ANKRD62: variants seen among roughly 807,000 people sequenced by gnomAD.
ANKRD62 encodes the protein ankyrin repeat domain 62.
A neutral mutation model predicts 98.8 loss-of-function variants in ANKRD62; 61 were observed. That is an observed-to-expected ratio of 0.62 (90% CI 0.50 to 0.76). The LOEUF (loss-of-function observed/expected upper bound fraction) is 0.76, where lower values mean the gene tolerates loss of function less well. ANKRD62 is among the 30% of genes least tolerant of loss of function. The pLI is 0.00. For missense variants in ANKRD62, 933 were observed against 1,082.9 expected (o/e 0.86, Z 1.94); for synonymous variants, 341 against 367.9 (o/e 0.93, Z 0.84).
At chr18:12,161,275 A>C in the ANKRD62 span, among the ~76,000 whole-genome samples, 1 of 152,146 alleles carries the variant, frequency 6.6e-6, no homozygotes, top group Non-Finnish European at 1.5e-5. Context: ...TTAATACCTT[A>C]CAAAATTTCT....
chr18:12,123,434 T>C (rs1401974203), intron 11 of ANKRD62, among the ~76,000 whole-genome samples: 2 of 152,228 alleles, frequency 1.3e-5, no homozygotes, highest in Non-Finnish European at 2.9e-5. Flanking sequence ...CTGTCTCTGC[T>C]ACAGAGTTTA....
chr18:12,095,013 C>T (rs1403212178), intron 1 of ANKRD62, among the ~76,000 whole-genome samples, 158 bp from the exon 2 acceptor site: 4 of 151,738 alleles, frequency 2.6e-5, no homozygotes, highest in Non-Finnish European at 5.9e-5. Context: ...TCAGCAGCAC[C>T]TGGGATGTGG....
the ANKRD62 span, among the ~76,000 whole-genome samples, chr18:12,164,661 A>G: frequency 6.6e-6 from 1 of 151,872 alleles, no homozygotes; most frequent in East Asian, 1.9e-4. Context: ...GCTGTATCCC[A>G]TAGGTTTTAA....
the ANKRD62 span, among the ~76,000 whole-genome samples, chr18:12,139,111 G>C: frequency 5.0e-4 from 76 of 152,112 alleles, no homozygotes; most frequent in Admixed American, 2.1e-3. Context: ...TATTTTGCTC[G>C]TTAGTTGATG....
the ANKRD62 span, among the ~76,000 whole-genome samples, chr18:12,164,653 T>A: frequency 1.3e-5 from 2 of 151,978 alleles, no homozygotes; most frequent in Non-Finnish European, 2.9e-5. Context: ...CTGCTTTTGC[T>A]GTATCCCATA....
At chr18:12,166,852 C>A in the ANKRD62 span, among the ~76,000 whole-genome samples, 1 of 151,874 alleles carries the variant, frequency 6.6e-6, no homozygotes, top group African/African-American at 2.4e-5. Flanking sequence ...TTAGGTATTT[C>A]TGCTAATGCT....
the ANKRD62 span, among the ~76,000 whole-genome samples, chr18:12,166,369 A>G: frequency 6.6e-6 from 1 of 152,074 alleles, no homozygotes; most frequent in Non-Finnish European, 1.5e-5. Context: ...ACATCCTATC[A>G]TGAAGCCCAC....
intron 8 of ANKRD62, among the ~76,000 whole-genome samples, chr18:12,111,535 G>C (rs938351337): frequency 6.6e-6 from 1 of 152,204 alleles, no homozygotes; most frequent in Admixed American, 6.5e-5. Context: ...TCTTTTCAAC[G>C]TAGTATTGTA....
At chr18:12,174,792 C>G in the ANKRD62 span, among the ~76,000 whole-genome samples, 1 of 152,218 alleles carries the variant, frequency 6.6e-6, no homozygotes, top group Non-Finnish European at 1.5e-5. Flanking sequence ...TCCTGAACTA[C>G]CTGTGCTAAC....
intron 1 of ANKRD62, among the ~76,000 whole-genome samples, chr18:12,094,946 G>A (rs1485327974): frequency 7.5e-6 from 1 of 133,060 alleles, no homozygotes; most frequent in East Asian, 2.6e-4. Flanking sequence ...CAAGGGTGGG[G>A]GTGGGGGTGG....
intron 7 of ANKRD62, 79 bp from the exon 8 acceptor site, chr18:12,107,216 T>G: frequency 2.1e-6 from 2 of 934,610 alleles, no homozygotes; most frequent in Non-Finnish European, 2.9e-6. Flanking sequence ...GTCAAGTGAT[T>G]AAATGAATGA....
intron 10 of ANKRD62, among the ~76,000 whole-genome samples, chr18:12,119,458 G>A (rs1048071658): frequency 6.6e-6 from 1 of 151,604 alleles, no homozygotes; most frequent in Non-Finnish European, 1.5e-5. Flanking sequence ...AGAGTCCAAG[G>A]TCAAGGTGCT....
rs1408221061 is a variant in ANKRD62 at position 12,095,205 on chromosome 18, C to G, written c.253C>G (p.Pro85Ala). 17 of 1,536,802 alleles carry G rather than the reference C, an allele frequency of 1.1e-5. No individual in the cohort carries two copies. The highest frequency in any genetic ancestry group is 1.4e-5 in the Non-Finnish European group (16 of 1,146,862). Residue 85 changes from proline to alanine, a missense_variant, in exon 2 of 14, where the codon CCA becomes GCA. Around this residue, in one of 3 missense-constraint regions of ANKRD62, gnomAD observed 549 missense variants for 587.9 expected, o/e 0.93. Coordinates refer to ENST00000587848, the MANE Select transcript of ANKRD62 (RefSeq NM_001277333.2). ...ALLLACAHGRPGVVADLVARK... is the reference protein window; with the variant it reads ...ALLLACAHGRAGVVADLVARK... Reference sequence around the variant, plus strand: ...ACTTTTGGCGTGTGCCCATGGCCGTCCAGGAGTGGTAGCTGACCTGGTGGC... The same window carrying G: ...ACTTTTGGCGTGTGCCCATGGCCGTGCAGGAGTGGTAGCTGACCTGGTGGC...
At chr18:12,095,076 G>C (rs1909151597) in intron 1 of ANKRD62, 95 bp from the exon 2 acceptor site, 1 of 895,608 alleles carries the variant, frequency 1.1e-6, no homozygotes, top group Admixed American at 2.1e-5. Context: ...AAGGCAGAGG[G>C]ATAACATACT....
the ANKRD62 span, among the ~76,000 whole-genome samples, chr18:12,161,255 T>C: frequency 6.6e-6 from 1 of 152,260 alleles, no homozygotes; most frequent in East Asian, 1.9e-4. Context: ...AGGATTACTT[T>C]TGCAAATTGT....
the ANKRD62 span, among the ~76,000 whole-genome samples, chr18:12,146,191 C>T: frequency 1.3e-5 from 2 of 152,054 alleles, no homozygotes; most frequent in Admixed American, 6.5e-5. Context: ...TGTCCTGGAT[C>T]CTGTTTCTCC....
At chr18:12,140,820 C>T in the ANKRD62 span, among the ~76,000 whole-genome samples, 4 of 152,186 alleles carry the variant, frequency 2.6e-5, no homozygotes, top group South Asian at 8.3e-4. Flanking sequence ...AGGCAGTCTG[C>T]CCGTTCTCAG....
intron 7 of ANKRD62, among the ~76,000 whole-genome samples, chr18:12,106,695 A>G (rs965437040): frequency 9.2e-5 from 14 of 152,202 alleles, no homozygotes; most frequent in Non-Finnish European, 1.6e-4. Flanking sequence ...CCAGAACTCT[A>G]AAGTAGCATC....
At chr18:12,131,775 G>T (rs184215973), downstream of ANKRD62, among the ~76,000 whole-genome samples, 37 of 151,714 alleles carry the variant, frequency 2.4e-4, no homozygotes, top group African/African-American at 8.7e-4. Flanking sequence ...GTTTTATGTA[G>T]ACTTGGTTTC....
Sources: gnomAD v4.1 joint callset for allele counts (sites outside exome capture counted in the v4.1 genomes callset) on GRCh38, gnomAD v4.1.1 for gene constraint, gnomAD v4.1.1 regional missense constraint, MANE v1.5 for transcripts, NCBI Gene and HGNC (gene_info 2026-07-23, HGNC 2026-07-21) for gene names.